Variants in SPC24 observed in about 807,000 individuals in gnomAD.
SPC24 encodes kinetochore protein Spc24.
SPC24 carries 31 observed loss-of-function variants against 27.6 expected under a neutral mutation model. That is an observed-to-expected ratio of 1.12 (90% confidence interval 0.84 to 1.52). SPC24 has a LOEUF of 1.52. SPC24 is among the 40% of genes most tolerant of loss of function. The pLI, the probability that SPC24 is intolerant of heterozygous loss-of-function variation, is 0.00. For synonymous variants in SPC24, 105 were observed against 105.8 expected, an observed-to-expected ratio of 0.99 and a Z score of 0.05; for missense variants, 284 against 252.5, an observed-to-expected ratio of 1.12 and a Z score of -0.84.
intron 1 of SPC24, among the ~76,000 whole-genome samples, chr19:11,151,824 G>A (rs2077874645): frequency 6.6e-6 from 1 of 151,850 alleles, no homozygotes; most frequent in Non-Finnish European, 1.5e-5. Flanking sequence ...TGGCCAGGCT[G>A]GTCTAGAATT....
chr19:11,148,387 T>G (rs2077845593), intron 2 of SPC24, among the ~76,000 whole-genome samples: 1 of 152,118 alleles, frequency 6.6e-6, no homozygotes, highest in East Asian at 1.9e-4. Context: ...TTTGTATTTT[T>G]AGTAGAGACA....
chr19:11,146,465 T>TAAAAAAAAAAAAACAAAAAAAAA lies in SPC24; in HGVS notation c.*717_*718insTTTTTTTTTGTTTTTTTTTTTTT, dbSNP rs2077823943. 4.6e-5 allele frequency: 2 copies of TAAAAAAAAAAAAACAAAAAAAAA among 43,072 alleles called. 1 individual carries two copies. The highest frequency in any genetic ancestry group is 1.8e-4 in the African/African-American group (2 of 10,992). The allele number at this position is 43,072 out of a possible 1,614,324, so 2.7% of individuals were successfully genotyped here. ...AAAATCAGGAGAAAAAGAAATCCAG[T>TAAAAAAAAAAAAACAAAAAAAAA]AAAAAAAAAAAAAAAAAAGGCCAGG... On this transcript the variant is annotated 3_prime_UTR_variant, in exon 5 of 5. Transcript: ENST00000592540.
intron 1 of SPC24, among the ~76,000 whole-genome samples, chr19:11,153,021 A>G (rs2077883940): frequency 6.8e-6 from 1 of 147,026 alleles, no homozygotes; most frequent in South Asian, 2.1e-4. Context: ...CTCCTCATAA[A>G]ATGTGACTGT....
Position 11,148,200 on chromosome 19 carries a change from C to G in SPC24, c.306-83G>C, listed in dbSNP as rs1259880624. The G allele has an allele frequency of 6.8e-6, 6 of 886,170 alleles. No homozygotes were observed. In the African/African-American group the frequency reaches 1.0e-4, roughly 15 times the overall value. The allele number at this position is 886,170 out of a possible 1,614,324, so 54.9% of individuals were successfully genotyped here. On this transcript the variant is annotated intron_variant, in intron 2 of 4. Coordinates refer to ENST00000592540, the MANE Select transcript of SPC24 (RefSeq NM_182513.4). The stretch of plus-strand genomic sequence containing the variant: ...GCAGCTGGGAGGCCCAGGGTCTTGG[C>G]TCTATTTACGCACACTCTCTTCTTT...
At chr19:11,151,282 A>G (rs1424075474) in intron 1 of SPC24, among the ~76,000 whole-genome samples, 2 of 151,932 alleles carry the variant, frequency 1.3e-5, no homozygotes, top group Non-Finnish European at 2.9e-5. Flanking sequence ...ACACACACGC[A>G]CACACCCTTC....
chr19:11,147,876 G>A lies in SPC24; in HGVS notation c.429C>T (p.Tyr143=), dbSNP rs2077838613. The change falls in exon 4 of 5, where the codon TAC becomes TAT. Residue 143 remains tyrosine (Y), a synonymous_variant. Coordinates refer to ENST00000592540, the MANE Select transcript of SPC24 (RefSeq NM_182513.4). The part of the protein sequence containing the change: ...IPSAVYVAQL[Y]HQVSKIEWDY... ...CCCACTCAATTTTACTAACTTGGTGGTAAAGTTGAGCCACGTACCTGTACA... is the reference window on the plus strand; with the variant it reads ...CCCACTCAATTTTACTAACTTGGTGATAAAGTTGAGCCACGTACCTGTACA... The A allele has an allele frequency of 3.2e-6, 5 of 1,554,472 alleles. No homozygotes were observed. Among genetic ancestry groups the A allele is most frequent in the Non-Finnish European group, 4.4e-6 (5 of 1,137,928 alleles).
rs2077824643 is a variant in SPC24, at chr19:11,146,488, AGGCGCGGT to A, written c.*687_*694del. The A allele has an allele frequency of 6.7e-6, 1 of 148,998 alleles. No individual in the cohort carries two copies. The highest frequency in any genetic ancestry group is 6.8e-5 in the Admixed American group (1 of 14,706). The allele number at this position is 148,998 out of a possible 1,614,324, so 9.2% of individuals were successfully genotyped here. ...AGTAAAAAAAAAAAAAAAAAAGGCC[AGGCGCGGT>A]GACTCACACCTGTAATCCCAGCACT... On this transcript the variant is annotated 3_prime_UTR_variant, in exon 5 of 5. Transcript: ENST00000592540.
At position 11,150,709 on chromosome 19, in the gene SPC24, G is replaced by T. The variant is rs2077864407; in HGVS notation, c.161-1471C>A. ...TACTTGGGAGGATCACCTGAACCAG[G>T]GAGGTTGAGGCTGCAGTGAGCCATA... On this transcript the variant is annotated intron_variant, in intron 1 of 4. Coordinates refer to ENST00000592540, the MANE Select transcript of SPC24 (RefSeq NM_182513.4). Among the ~76,000 whole-genome samples, 3 of 152,216 alleles carry T rather than the reference G, an allele frequency of 2.0e-5. No individual in the cohort carries two copies. In the South Asian group the frequency reaches 6.2e-4, roughly 32 times the overall value.
At position 11,148,045 on chromosome 19, in the gene SPC24, G is replaced by A. The variant is rs374040305; in HGVS notation, c.378C>T (p.Asp126=). ...AGGGGATTGTGACTGTCGTGTCCTC[G>A]TCGACCTCCTTCTCCTGTCGCTCCA... ...ADLERQEKEV[D]EDTTVTIPSA... Residue 126 remains aspartate (D), a synonymous_variant, in exon 3 of 5, where the codon GAC becomes GAT. Transcript: ENST00000592540. 37 of 1,613,550 alleles carry A rather than the reference G, an allele frequency of 2.3e-5. No individual in the cohort carries two copies. The highest frequency in any genetic ancestry group is 2.9e-5 in the Non-Finnish European group (34 of 1,179,872).
rs1345008438 is a variant in SPC24, at chr19:11,146,608, A to T, written c.*575T>A. ...GTGAAACCCCGTCTCTACTAAAAAT[A>T]CAAAAAATTAGCTGCGCATGGTGGC... On this transcript the variant is annotated 3_prime_UTR_variant, in exon 5 of 5. Coordinates refer to ENST00000592540, the MANE Select transcript of SPC24 (RefSeq NM_182513.4). 6.6e-6 allele frequency: 1 copy of T among 151,402 alleles called. No homozygotes were observed. The highest frequency in any genetic ancestry group is 1.9e-4 in the East Asian group (1 of 5,162). The allele number at this position is 151,402 out of a possible 1,614,324, so 9.4% of individuals were successfully genotyped here.
chr19:11,147,732 C>T (rs2077837408), intron 4 of SPC24, 86 bp downstream of exon 4: 2 of 1,247,950 alleles, frequency 1.6e-6, no homozygotes, highest in Admixed American at 4.1e-5. Context: ...CCACACCCGG[C>T]TAATTTTTAC....
intron 1 of SPC24, among the ~76,000 whole-genome samples, chr19:11,151,695 C>T (rs1046589888): frequency 1.2e-4 from 18 of 151,268 alleles, no homozygotes; most frequent in Admixed American, 9.2e-4. Context: ...CTGCAACCTC[C>T]GCCTCCCAGG....
At position 11,148,065 on chromosome 19, in the gene SPC24, G is replaced by C; in HGVS notation, c.358C>G (p.Arg120Gly). 1 of 1,613,784 alleles carries C rather than the reference G, an allele frequency of 6.2e-7. No homozygotes were observed. Among genetic ancestry groups the C allele is most frequent in the Non-Finnish European group, 8.5e-7 (1 of 1,179,844 alleles). The stretch of plus-strand genomic sequence containing the variant: ...TCCTCGTCGACCTCCTTCTCCTGTC[G>C]CTCCAGATCCGCCTCAATCTCCTTG... ...ELKEIEADLE[R>G]QEKEVDEDTT... Residue 120 changes from arginine (R) to glycine (G), a missense_variant, in exon 3 of 5, where the codon CGA becomes GGA. By Grantham distance (125) the Arg-to-Gly change is moderately radical (BLOSUM62 -2). Transcript: ENST00000592540.
At chr19:11,147,478 A>G in intron 4 of SPC24, 189 bp from the exon 5 acceptor site, 1 of 572,782 alleles carries the variant, frequency 1.7e-6, no homozygotes, top group East Asian at 3.0e-5. Context: ...CTCATGCCTC[A>G]GCCTCCTGAG....
In SPC24 at chr19:11,149,155, G is replaced by A. The variant is rs1240998699; in HGVS notation, c.244C>T (p.Gln82Ter). The A allele has an allele frequency of 1.3e-6, 2 of 1,549,754 alleles. No individual in the cohort carries two copies. Among genetic ancestry groups the A allele is most frequent in the Non-Finnish European group, 1.7e-6 (2 of 1,146,750 alleles). ...GCCTCCTGAAGCCCAGCTTCCAGCT[G>A]CTGCAGCTCCACGCCTCCCTGGTGC... is the stretch of plus-strand genomic sequence containing the variant. ...QVHQGGVELQ[Q>*]LEAGLQEAGE... The change falls in exon 2 of 5, where the codon CAG (glutamine) becomes TAG (stop). Residue 82 changes from glutamine to a stop codon, truncating the protein, a stop_gained. Transcript: ENST00000592540. LOFTEE classifies it high-confidence loss of function.
intron 1 of SPC24, among the ~76,000 whole-genome samples, chr19:11,154,942 T>A (rs908681410): frequency 5.3e-5 from 8 of 152,184 alleles, no homozygotes; most frequent in African/African-American, 1.4e-4. Context: ...TCCCAGTACT[T>A]TGGGAGGCTG....
chr19:11,154,969 T>A (rs2077900044), intron 1 of SPC24, among the ~76,000 whole-genome samples: 1 of 152,116 alleles, frequency 6.6e-6, no homozygotes, highest in South Asian at 2.1e-4. Flanking sequence ...GCAGATTACC[T>A]GAGGTCAGGA....
chr19:11,147,686 A>T, intron 4 of SPC24, 132 bp downstream of exon 4: 1 of 802,032 alleles, frequency 1.2e-6, no homozygotes, highest in Non-Finnish European at 2.0e-6. Context: ...CTCCCACCTC[A>T]GCCTCCCAGG....
chr19:11,148,471 G>A (rs1439369952), intron 2 of SPC24, among the ~76,000 whole-genome samples: 1 of 151,886 alleles, frequency 6.6e-6, no homozygotes, highest in African/African-American at 2.4e-5. Context: ...GCCTCCCAAA[G>A]TGCTGGGATT....
Sources: allele counts gnomAD v4.1 joint callset (sites outside exome capture counted in the v4.1 genomes callset), GRCh38; gene constraint gnomAD v4.1.1; transcripts MANE v1.5; gene names NCBI Gene and HGNC (gene_info 2026-07-23, HGNC 2026-07-21).